Variants in FSTL4 observed in about 807,000 individuals in gnomAD.
FSTL4 encodes the protein follistatin like 4.
A neutral mutation model predicts 78.2 loss-of-function variants in FSTL4; 28 were observed. The ratio of observed to expected loss-of-function variants is 0.36; its 90% CI spans 0.27 to 0.49. The LOEUF (loss-of-function observed/expected upper bound fraction) is 0.49, where lower values mean the gene tolerates loss of function less well. Among genes scored for constraint, FSTL4 ranks in the 20% least tolerant of loss-of-function variants. The pLI is 0.98. For synonymous variants in FSTL4, 422 were observed against 440.5 expected (o/e 0.96, Z 0.53); for missense variants, 922 against 1,084.9 (o/e 0.85, Z 2.11).
At chr5:133,450,245 C>A (rs1044390527) in intron 3 of FSTL4, among the ~76,000 whole-genome samples, 2 of 152,182 alleles carry the variant, frequency 1.3e-5, no homozygotes. Flanking sequence ...ACAGGCAGAC[C>A]AGCTGTAGGG....
chr5:133,658,463 T>C, the FSTL4 span, among the ~76,000 whole-genome samples: 2 of 152,148 alleles, frequency 1.3e-5, no homozygotes, highest in Non-Finnish European at 2.9e-5. Context: ...ATAGTTATAC[T>C]AAGATCTTTT....
At chr5:133,284,808 T>C (rs11949035) in intron 6 of FSTL4, among the ~76,000 whole-genome samples, 57,506 of 152,050 alleles carry the variant, frequency 0.38, 11,968 homozygotes, top group African/African-American at 0.55. Context: ...ATATCTGACA[T>C]GGTCCTTGCC....
chr5:133,459,383 C>T (rs1757551521), intron 3 of FSTL4, among the ~76,000 whole-genome samples: 1 of 152,064 alleles, frequency 6.6e-6, no homozygotes, highest in Non-Finnish European at 1.5e-5. Flanking sequence ...GAATTAATAG[C>T]ATACCAAGAG....
chr5:133,228,881 G>A (rs1751409503), intron 8 of FSTL4, among the ~76,000 whole-genome samples: 3 of 152,178 alleles, frequency 2.0e-5, no homozygotes, highest in African/African-American at 7.2e-5. Context: ...ATGTCACACT[G>A]GATGTTGTCA....
intron 2 of FSTL4, among the ~76,000 whole-genome samples, chr5:133,579,325 C>T (rs938126586): frequency 6.6e-5 from 10 of 152,214 alleles, no homozygotes; most frequent in African/African-American, 2.2e-4. Context: ...AGCTGGCTCA[C>T]GGAACATACT....
chr5:133,596,544 G>A (rs563612221), intron 2 of FSTL4, among the ~76,000 whole-genome samples: 86 of 152,270 alleles, frequency 5.6e-4, no homozygotes, highest in Admixed American at 5.1e-3. Context: ...GGCAGCTTCC[G>A]TCTCCAGCTA....
At chr5:133,706,074 G>T in the FSTL4 span, among the ~76,000 whole-genome samples, 23 of 152,290 alleles carry the variant, frequency 1.5e-4, no homozygotes, top group East Asian at 2.1e-3. Flanking sequence ...GTGTCCAATA[G>T]CACCGTAATA....
chr5:133,548,532 A>T (rs768481916), intron 3 of FSTL4, among the ~76,000 whole-genome samples: 6 of 152,220 alleles, frequency 3.9e-5, no homozygotes, highest in Non-Finnish European at 8.8e-5. Flanking sequence ...CAAAGTCTAA[A>T]CATGAACAGC....
At chr5:133,663,898 T>G in the FSTL4 span, among the ~76,000 whole-genome samples, 1 of 152,166 alleles carries the variant, frequency 6.6e-6, no homozygotes, top group Non-Finnish European at 1.5e-5. Context: ...AATCTTCCAG[T>G]GCTTCTGTGA....
chr5:133,416,264 C>T (rs1029976459), intron 3 of FSTL4, among the ~76,000 whole-genome samples: 1 of 152,116 alleles, frequency 6.6e-6, no homozygotes, highest in African/African-American at 2.4e-5. Flanking sequence ...ATCGTAAGGT[C>T]GTAATGGGTA....
At chr5:133,765,449 A>G in the FSTL4 span, among the ~76,000 whole-genome samples, 1 of 152,262 alleles carries the variant, frequency 6.6e-6, no homozygotes, top group Non-Finnish European at 1.5e-5. Flanking sequence ...GCAGACATTC[A>G]AAAAACCTTG....
At chr5:133,256,543 G>A (rs527483746) in intron 6 of FSTL4, 2 of 152,424 alleles carry the variant, frequency 1.3e-5, no homozygotes, top group South Asian at 4.1e-4. Context: ...GCGGGTGGGA[G>A]GGATGGTGTG....
chr5:133,220,891 A>G, intron 11 of FSTL4, 25 bp from the exon 12 acceptor site: 2 of 1,379,280 alleles, frequency 1.5e-6, no homozygotes, highest in Non-Finnish European at 2.1e-6. Context: ...TGGAATGGGC[A>G]TGCCCTCCAA....
At chr5:133,356,639 T>C (rs1204426506) in intron 4 of FSTL4, among the ~76,000 whole-genome samples, 1 of 148,100 alleles carries the variant, frequency 6.8e-6, no homozygotes, top group East Asian at 2.2e-4. Context: ...TAGTGACAAG[T>C]GAGCAGAAAC....
chr5:133,356,039 G>A (rs1754937949), intron 4 of FSTL4, among the ~76,000 whole-genome samples: 1 of 152,196 alleles, frequency 6.6e-6, no homozygotes, highest in Non-Finnish European at 1.5e-5. Flanking sequence ...GTCCCAGGGG[G>A]CCTTCTGGGT....
At chr5:133,328,506 A>T (rs1754269400) in intron 4 of FSTL4, among the ~76,000 whole-genome samples, 1 of 152,224 alleles carries the variant, frequency 6.6e-6, no homozygotes, top group Non-Finnish European at 1.5e-5. Context: ...AGAGTGAAAG[A>T]GCACTGTATG....
At chr5:133,235,172 C>T (rs2126805312) in intron 7 of FSTL4, among the ~76,000 whole-genome samples, 1 of 152,194 alleles carries the variant, frequency 6.6e-6, no homozygotes, top group Non-Finnish European at 1.5e-5. Flanking sequence ...CACAATGGTC[C>T]CGAAACCCCT....
At chr5:133,684,757 C>G in the FSTL4 span, among the ~76,000 whole-genome samples, 2 of 152,086 alleles carry the variant, frequency 1.3e-5, no homozygotes, top group Non-Finnish European at 2.9e-5. Flanking sequence ...GGATATCACC[C>G]ACGGTGATGG....
chr5:133,827,957 T>C, the FSTL4 span, among the ~76,000 whole-genome samples: 1 of 152,072 alleles, frequency 6.6e-6, no homozygotes, highest in South Asian at 2.1e-4. Flanking sequence ...TGCCAAGAAA[T>C]GCTGAACACT....
Sources: allele counts gnomAD v4.1 joint callset (sites outside exome capture counted in the v4.1 genomes callset), GRCh38; gene constraint gnomAD v4.1.1; transcripts MANE v1.5; gene names NCBI Gene and HGNC (gene_info 2026-07-23, HGNC 2026-07-21).